SLCO1A2: variants seen among roughly 807,000 people sequenced by gnomAD.
SLCO1A2 encodes solute carrier organic anion transporter family member 1A2, also known as OATP-1.
Under a neutral mutation model 69.0 loss-of-function variants are expected in SLCO1A2, and 67 were observed. The observed-to-expected ratio is 0.97, with a 90% CI of 0.80 to 1.19. The LOEUF (loss-of-function observed/expected upper bound fraction) is 1.19, where lower values mean the gene tolerates loss of function less well. Ranked by LOEUF, SLCO1A2 falls within the 50% of genes most tolerant of loss-of-function variation. The pLI is 0.00. For missense variants in SLCO1A2, 787 were observed against 793.7 expected, an observed-to-expected ratio of 0.99 and a Z score of 0.10; for synonymous variants, 260 against 265.9, an observed-to-expected ratio of 0.98 and a Z score of 0.22.
Position 21,294,042 on chromosome 12 carries a change from G to A in SLCO1A2, c.1340C>T (p.Ser447Phe), listed in dbSNP as rs779186613. The change falls in exon 11 of 15, where the codon TCT becomes TTT. Residue 447 changes from serine (S) to phenylalanine (F), a missense_variant. Transcript: ENST00000683939. ...ADCNVDCNCP[S>F]KIWDPVCGNN... ...TCCACACACAGGATCCCATATTTTA[G>A]ATGGACAGTTGCAATCCACATTGCA... 2 of 1,611,532 alleles carry A rather than the reference G, an allele frequency of 1.2e-6. No homozygotes were observed. The highest frequency in any genetic ancestry group is 3.4e-5 in the Admixed American group (2 of 59,598).
intron 2 of SLCO1A2, among the ~76,000 whole-genome samples, chr12:21,347,657 GAAGA>G (rs1422542546): frequency 9.4e-5 from 12 of 128,138 alleles, no homozygotes; most frequent in African/African-American, 2.6e-4. Flanking sequence ...AAGAAGGAAA[GAAGA>G]AAGAAAGAAA....
chr12:21,344,319 C>T (rs1565509225), intron 2 of SLCO1A2, among the ~76,000 whole-genome samples: 1 of 151,988 alleles, frequency 6.6e-6, no homozygotes, highest in East Asian at 1.9e-4. Context: ...ATACCAGAAA[C>T]CTATGTTTCT....
intron 1 of SLCO1A2, among the ~76,000 whole-genome samples, chr12:21,413,237 CTT>C (rs3983534): frequency 5.0e-5 from 5 of 99,466 alleles, no homozygotes; most frequent in South Asian, 3.5e-4. Context: ...TTTTCTTTTT[CTT>C]TTTTTTTTTT....
At chr12:21,394,555 GCACACACACA>G (rs35166807) in intron 1 of SLCO1A2, among the ~76,000 whole-genome samples, 2 of 138,906 alleles carry the variant, frequency 1.4e-5, no homozygotes, top group African/African-American at 5.5e-5. Context: ...AATAACACAC[GCACACACACA>G]CACACACACA....
intron 12 of SLCO1A2, among the ~76,000 whole-genome samples, chr12:21,287,673 A>G (rs1264830849): frequency 2.5e-4 from 31 of 125,156 alleles, no homozygotes; most frequent in African/African-American, 9.9e-4. Context: ...ATGGAATACT[A>G]TGCAGCCATA....
At chr12:21,302,086 A>G (rs187876196) in intron 6 of SLCO1A2, among the ~76,000 whole-genome samples, 1 of 151,196 alleles carries the variant, frequency 6.6e-6, no homozygotes, top group East Asian at 2.0e-4. Context: ...TCTACCAAAT[A>G]CTCCCTCTCT....
intron 2 of SLCO1A2, among the ~76,000 whole-genome samples, chr12:21,360,848 C>T (rs1458424302): frequency 1.2e-4 from 19 of 152,246 alleles, no homozygotes; most frequent in Admixed American, 6.5e-5. Flanking sequence ...GAGGGGCGTC[C>T]GCCATTGCTG....
chr12:21,337,380 T>C (rs1240431523), upstream of SLCO1A2, among the ~76,000 whole-genome samples: 1 of 152,152 alleles, frequency 6.6e-6, no homozygotes, highest in East Asian at 1.9e-4. Context: ...ATTAATATAG[T>C]TTGTGATTGT....
intron 1 of SLCO1A2, among the ~76,000 whole-genome samples, chr12:21,407,114 T>C (rs1010012170): frequency 6.6e-6 from 1 of 152,072 alleles, no homozygotes; most frequent in South Asian, 2.1e-4. Context: ...AAAAGTGCTC[T>C]GAAGAAAATC....
Position 21,268,768 on chromosome 12 carries a change from C to T in SLCO1A2, c.*780G>A, listed in dbSNP as rs556786788. 1 of 152,118 alleles carries T rather than the reference C, an allele frequency of 6.6e-6. No homozygotes were observed. The highest frequency in any genetic ancestry group is 2.4e-5 in the African/African-American group (1 of 41,514). The allele number at this position is 152,118 out of a possible 1,614,324, so 9.4% of individuals were successfully genotyped here. A position where few individuals can be genotyped will look rare whatever the true frequency, so the allele number is the denominator to read the frequency against. On this transcript the variant is annotated 3_prime_UTR_variant, in exon 15 of 15. Coordinates refer to ENST00000683939, the MANE Select transcript of SLCO1A2 (RefSeq NM_001386879.1). ...GGTTCTTTGACAATATCTGACATTA[C>T]AAACAGCCTTTAAGAACTGGAGTTT...
intron 1 of SLCO1A2, chr12:21,394,840 G>A (rs1485947769): frequency 6.6e-6 from 1 of 152,040 alleles, no homozygotes; most frequent in East Asian, 1.9e-4. Context: ...AATATCAATT[G>A]CTAAAAAGAT....
chr12:21,341,952 T>A (rs1364790683), intron 2 of SLCO1A2, among the ~76,000 whole-genome samples: 1 of 152,030 alleles, frequency 6.6e-6, no homozygotes, highest in East Asian at 1.9e-4. Flanking sequence ...AGGCATGGGA[T>A]GAGGATTAAT....
Position 21,297,457 on chromosome 12 carries a change from T to G in SLCO1A2, c.1022A>C (p.Lys341Thr), listed in dbSNP as rs1347126123. 2.5e-6 allele frequency: 4 copies of G among 1,612,960 alleles called. 1 individual carries two copies. In the South Asian group the frequency reaches 4.4e-5, roughly 18 times the overall value. ...TATTCCATATTGCTGTTCTAGGTAT[T>G]TAGGCATGAAGGAGATCATGTTAAC... ...AFVNMISFMP[K>T]YLEQQYGISS... The change falls in exon 9 of 15, where the codon AAA becomes ACA. Residue 341 changes from lysine (K) to threonine (T), a missense_variant. Transcript: ENST00000683939.
intron 2 of SLCO1A2, among the ~76,000 whole-genome samples, chr12:21,348,270 T>G (rs1241611196): frequency 6.6e-6 from 1 of 152,178 alleles, no homozygotes; most frequent in Non-Finnish European, 1.5e-5. Flanking sequence ...TTTAAGTTAT[T>G]TTAAAATGTA....
At chr12:21,293,805 T>C (rs1947286593) in intron 11 of SLCO1A2, 140 bp downstream of exon 11, 3 of 593,132 alleles carry the variant, frequency 5.1e-6, no homozygotes, top group Non-Finnish European at 8.2e-6. Context: ...GTGACCATCA[T>C]AGAGTTATTT....
upstream of SLCO1A2, among the ~76,000 whole-genome samples, chr12:21,396,927 TGTAAAGACCATC>T (rs1480093919): frequency 1.3e-5 from 2 of 151,016 alleles, no homozygotes; most frequent in African/African-American, 2.4e-5. Context: ...CATGGCAAAA[TGTAAAGACCATC>T]GAGACTAGGA....
rs1942155703 is a variant in SLCO1A2 at position 21,267,166 on chromosome 12, C to T, written c.*2382G>A. On this transcript the variant is annotated 3_prime_UTR_variant, in exon 15 of 15. Coordinates refer to ENST00000683939, the MANE Select transcript of SLCO1A2 (RefSeq NM_001386879.1). ...CTTTCTCTGACCTGCTTTCTCCCAC[C>T]AAGAAGTGTCAAAGGAGAACCCTAT... 6.6e-6 allele frequency: 1 copy of T among 152,118 alleles called. No homozygotes were observed. Among genetic ancestry groups the T allele is most frequent in the Non-Finnish European group, 1.5e-5 (1 of 68,082 alleles). 9.4% of individuals were successfully genotyped at this position (152,118 alleles called of 1,614,324 possible).
chr12:21,287,192 T>A (rs1485521154), intron 12 of SLCO1A2, among the ~76,000 whole-genome samples: 1 of 141,246 alleles, frequency 7.1e-6, no homozygotes, highest in Non-Finnish European at 1.5e-5. Flanking sequence ...CATCAAAAAG[T>A]GGGCAAAGGA....
chr12:21,393,307 A>G (rs1290038499), intron 1 of SLCO1A2, among the ~76,000 whole-genome samples: 1 of 152,156 alleles, frequency 6.6e-6, no homozygotes, highest in African/African-American at 2.4e-5. Context: ...CATCCCCAAA[A>G]GCAATCTAGG....
Sources: gnomAD v4.1 joint callset for allele counts (sites outside exome capture counted in the v4.1 genomes callset) on GRCh38, gnomAD v4.1.1 for gene constraint, MANE v1.5 for transcripts, NCBI Gene and HGNC (gene_info 2026-07-23, HGNC 2026-07-21) for gene names.